PPP2CA: variants seen among roughly 807,000 people sequenced by gnomAD.
PPP2CA encodes serine/threonine-protein phosphatase 2A catalytic subunit alpha isoform.
PPP2CA carries 5 observed loss-of-function variants against 38.8 expected under a neutral mutation model. The observed-to-expected ratio is 0.13, with a 90% CI of 0.07 to 0.27. The LOEUF is 0.27. Ranked by LOEUF, PPP2CA falls within the 10% of genes least tolerant of loss-of-function variation. PPP2CA has a pLI of 1.00. For missense variants in PPP2CA, 88 were observed against 389.7 expected, an observed-to-expected ratio of 0.23 and a Z score of 6.52; for synonymous variants, 152 against 134.0, an observed-to-expected ratio of 1.13 and a Z score of -0.93.
chr5:134,217,977 CAT>C (rs1167520763), intron 1 of PPP2CA, among the ~76,000 whole-genome samples: 2 of 152,268 alleles, frequency 1.3e-5, no homozygotes, highest in Middle Eastern at 3.4e-3. Context: ...TATAACTAAA[CAT>C]AAACAATATA....
intron 2 of PPP2CA, chr5:134,203,629 C>T (rs1452114884): frequency 6.6e-6 from 1 of 152,202 alleles, no homozygotes; most frequent in African/African-American, 2.4e-5. Context: ...ACCTTAATTA[C>T]CTGTCCAAAT....
rs374259492 is a variant in PPP2CA, at chr5:134,225,910, C to G, written c.-49G>C. On this transcript the variant is annotated 5_prime_UTR_variant, in exon 1 of 7. Coordinates refer to ENST00000481195, the MANE Select transcript of PPP2CA (RefSeq NM_002715.4). Reference sequence around the variant, plus strand: ...GCCGCTCCGCGCTGCTCCCGCGCCGCCGCCCGCACACGGGCCTACACGCAC... The same window carrying G: ...GCCGCTCCGCGCTGCTCCCGCGCCGGCGCCCGCACACGGGCCTACACGCAC... The G allele has an allele frequency of 2.0e-5, 31 of 1,559,950 alleles. No individual in the cohort carries two copies. The African/African-American group carries it at 4.0e-4, about 20-fold the overall frequency.
chr5:134,218,761 T>A (rs1320507473), intron 1 of PPP2CA, among the ~76,000 whole-genome samples: 3 of 151,856 alleles, frequency 2.0e-5, no homozygotes, highest in African/African-American at 7.3e-5. Context: ...CTCTGCCTGC[T>A]GGGTTCAAGC....
chr5:134,215,468 A>C (rs1762297562), intron 1 of PPP2CA, among the ~76,000 whole-genome samples: 1 of 152,256 alleles, frequency 6.6e-6, no homozygotes, highest in African/African-American at 2.4e-5. Context: ...CCAGCTACTC[A>C]GGAGGCTGAG....
At chr5:134,215,933 C>T (rs1762310970) in intron 1 of PPP2CA, among the ~76,000 whole-genome samples, 2 of 152,272 alleles carry the variant, frequency 1.3e-5, no homozygotes, top group South Asian at 4.1e-4. Context: ...CAGATTATGC[C>T]ATTCAACAGC....
chr5:134,197,866 T>C (rs1049304634), intron 6 of PPP2CA, 22 bp from the exon 7 acceptor site: 4 of 1,608,080 alleles, frequency 2.5e-6, no homozygotes, highest in Non-Finnish European at 2.6e-6. Context: ...GACCGATTCA[T>C]GGTTTATGTT....
At chr5:134,203,189 A>AT (rs1561735483) in intron 2 of PPP2CA, among the ~76,000 whole-genome samples, 1 of 151,950 alleles carries the variant, frequency 6.6e-6, no homozygotes, top group Non-Finnish European at 1.5e-5. Context: ...CGATTTTTCA[A>AT]TTTTTTATGG....
In PPP2CA at chr5:134,201,845, T is replaced by C. The variant is rs766991571; in HGVS notation, c.486+3A>G. The C allele has an allele frequency of 2.5e-6, 4 of 1,613,202 alleles. No homozygotes were observed. In the South Asian group the frequency reaches 4.4e-5, roughly 18 times the overall value. ...ATCAGCAATGAGTTTTAGATCCACA[T>C]ACCTGCCCATCCACCAAGGCAGTGA... On this transcript the variant is annotated splice_donor_region_variant and intron_variant, in intron 3 of 6. Transcript: ENST00000481195.
chr5:134,224,353 T>C (rs755420383), intron 1 of PPP2CA: 3 of 450,040 alleles, frequency 6.7e-6, no homozygotes, highest in African/African-American at 4.0e-5. Context: ...CATCCACTAG[T>C]AGTAGTTTTG....
At chr5:134,219,734 G>C (rs994764238) in intron 1 of PPP2CA, among the ~76,000 whole-genome samples, 1 of 152,156 alleles carries the variant, frequency 6.6e-6, no homozygotes, top group Non-Finnish European at 1.5e-5. Context: ...CAGTTAGCTG[G>C]GCACAGTGGC....
intron 1 of PPP2CA, chr5:134,224,171 A>T (rs190989544): frequency 2.1e-4 from 85 of 400,860 alleles, no homozygotes; most frequent in Middle Eastern, 3.7e-4. Context: ...CGGTAAGATC[A>T]TCATGTACAG....
chr5:134,198,785 C>G (rs1761913614), intron 6 of PPP2CA, among the ~76,000 whole-genome samples: 1 of 152,128 alleles, frequency 6.6e-6, no homozygotes, highest in Non-Finnish European at 1.5e-5. Context: ...AGGCTTGTCT[C>G]GAACTCCTGA....
intron 1 of PPP2CA, among the ~76,000 whole-genome samples, chr5:134,220,268 G>A (rs920453060): frequency 6.6e-6 from 1 of 151,696 alleles, no homozygotes; most frequent in African/African-American, 2.4e-5. Context: ...AGACCAGCCT[G>A]GCCAACATGG....
Position 134,199,440 on chromosome 5 carries a change from A to T in PPP2CA, c.739-236T>A, listed in dbSNP as rs1761927093. ...AAACTTGTTTTTTTTTTAGTACTTT[A>T]AAAAAAAAAAGGCTTTAACAAACAG... On this transcript the variant is annotated intron_variant, in intron 5 of 6. Transcript: ENST00000481195. 5.1e-5 allele frequency: 7 copies of T among 136,532 alleles called. No homozygotes were observed. The South Asian group carries it at 7.0e-4, about 14-fold the overall frequency. 8.5% of individuals were successfully genotyped at this position (136,532 alleles called of 1,614,324 possible).
At chr5:134,200,574 GCACCCTAAGC>G in intron 4 of PPP2CA, 78 bp from the exon 5 acceptor site, 1 of 1,478,382 alleles carries the variant, frequency 6.8e-7, no homozygotes, top group Non-Finnish European at 9.2e-7. Flanking sequence ...ATCAGAAGCA[GCACCCTAAGC>G]CACCCTTTTT....
In PPP2CA at chr5:134,199,088, A is replaced by G. The variant is rs2149382640; in HGVS notation, c.855T>C (p.Ser285=). 6 of 1,599,294 alleles carry G rather than the reference A, an allele frequency of 3.8e-6. No homozygotes were observed. The highest frequency in any genetic ancestry group is 1.7e-5 in the Admixed American group (1 of 59,974). ...IMELDDTLKY[S]FLQFDPAPRR... ...AATGTTCAGGTAGAATTACTTACAA[A>G]GAGTATTTTAGAGTATCGTCAAGTT... Residue 285 remains serine, a splice_region_variant and synonymous_variant, in exon 6 of 7, where the codon TCT becomes TCC. Coordinates refer to ENST00000481195, the MANE Select transcript of PPP2CA (RefSeq NM_002715.4).
At chr5:134,225,551 T>G in intron 1 of PPP2CA, 14 of 478,692 alleles carry the variant, frequency 2.9e-5, no homozygotes, top group Non-Finnish European at 4.5e-5. Flanking sequence ...AACGGCGCCA[T>G]TTTAGGCGGC....
At chr5:134,201,187 GGGCTGC>G (rs1402631137) in intron 3 of PPP2CA, 113 bp from the exon 4 acceptor site, 3 of 766,776 alleles carry the variant, frequency 3.9e-6, no homozygotes, top group Non-Finnish European at 6.5e-6. Context: ...TGAGGCAGGA[GGGCTGC>G]TTGAGGCCAG....
Position 134,197,639 on chromosome 5 carries a change from T to G in PPP2CA, c.*133A>C. 2.9e-6 allele frequency: 2 copies of G among 691,498 alleles called. No homozygotes were observed. Among genetic ancestry groups the G allele is most frequent in the Non-Finnish European group, 5.0e-6 (2 of 396,234 alleles). The allele number at this position is 691,498 out of a possible 1,614,324, so 42.8% of individuals were successfully genotyped here. A position where few individuals can be genotyped will look rare whatever the true frequency, so the allele number is the denominator to read the frequency against. ...AGGCTTTGTATTTTTATATGGCACA[T>G]CTTTTGGTCCATGTGAAAACAAGTT... is the stretch of plus-strand genomic sequence containing the variant. On this transcript the variant is annotated 3_prime_UTR_variant, in exon 7 of 7. Transcript: ENST00000481195.
Sources: allele counts gnomAD v4.1 joint callset (sites outside exome capture counted in the v4.1 genomes callset), GRCh38; gene constraint gnomAD v4.1.1; transcripts MANE v1.5; gene names NCBI Gene and HGNC (gene_info 2026-07-23, HGNC 2026-07-21).